The following CAMK4 variants were observed in gnomAD, a reference collection of about 807,000 sequenced individuals.
CAMK4 encodes calcium/calmodulin-dependent protein kinase type IV.
In CAMK4, 22 loss-of-function variants were observed where a neutral mutation model predicts 44.9. That is an observed-to-expected ratio of 0.49 (90% CI 0.35 to 0.70). CAMK4 has a LOEUF of 0.70. CAMK4 is among the 30% of genes least tolerant of loss of function. The pLI is 0.01. For missense variants in CAMK4, 498 were observed against 586.8 expected, an observed-to-expected ratio of 0.85 and a Z score of 1.56; for synonymous variants, 218 against 215.4, an observed-to-expected ratio of 1.01 and a Z score of -0.11.
intron 5 of CAMK4, among the ~76,000 whole-genome samples, chr5:111,404,516 C>T (rs778900651): frequency 4.6e-5 from 7 of 152,184 alleles, no homozygotes; most frequent in Non-Finnish European, 8.8e-5. Context: ...AAAAGAAAAA[C>T]CTTGTGGCAG....
chr5:111,477,959 C>T (rs10055516), intron 8 of CAMK4, among the ~76,000 whole-genome samples: 76,678 of 151,864 alleles, frequency 0.5, 19,709 homozygotes, highest in African/African-American at 0.59. Flanking sequence ...TTCCCTTTCA[C>T]ACTAAATTGG....
chr5:111,403,365 GT>G (rs778416274), intron 5 of CAMK4, among the ~76,000 whole-genome samples: 1 of 152,052 alleles, frequency 6.6e-6, no homozygotes, highest in African/African-American at 2.4e-5. Context: ...AAGTTTTTTT[GT>G]TGTTTGTTTG....
chr5:111,452,517 TC>T (rs1754272321), intron 7 of CAMK4, among the ~76,000 whole-genome samples: 2 of 151,480 alleles, frequency 1.3e-5, no homozygotes, highest in African/African-American at 4.9e-5. Flanking sequence ...AATGCTCTTT[TC>T]TACCACTCTC....
chr5:111,442,643 T>C (rs1580758793), intron 5 of CAMK4, among the ~76,000 whole-genome samples: 2 of 150,052 alleles, frequency 1.3e-5, no homozygotes, highest in East Asian at 3.9e-4. Context: ...CTAGCTGTTT[T>C]CTGTTAAGCC....
intron 2 of CAMK4, among the ~76,000 whole-genome samples, chr5:111,352,366 A>AT (rs67037909): frequency 0.87 from 131,943 of 152,058 alleles, 57,588 homozygotes; most frequent in East Asian, 1. Flanking sequence ...CTGTTCACAA[A>AT]TGGCAAAATA....
chr5:111,324,976 T>A (rs1233429488), intron 1 of CAMK4, among the ~76,000 whole-genome samples: 1 of 151,914 alleles, frequency 6.6e-6, no homozygotes, highest in Non-Finnish European at 1.5e-5. Flanking sequence ...GCATTAGGTA[T>A]TTTCCTAATG....
intron 5 of CAMK4, among the ~76,000 whole-genome samples, chr5:111,431,176 G>T (rs2112939362): frequency 6.6e-6 from 1 of 152,062 alleles, no homozygotes; most frequent in East Asian, 1.9e-4. Context: ...TAGACAGGTG[G>T]AACAGAGCAG....
At chr5:111,297,926 C>T (rs929289906) in intron 1 of CAMK4, among the ~76,000 whole-genome samples, 2 of 152,112 alleles carry the variant, frequency 1.3e-5, no homozygotes, top group Admixed American at 6.5e-5. Flanking sequence ...ACAGGATTTG[C>T]GTATTTTAAC....
At chr5:111,406,643 A>T (rs1201322262) in intron 5 of CAMK4, among the ~76,000 whole-genome samples, 1 of 151,232 alleles carries the variant, frequency 6.6e-6, no homozygotes. Flanking sequence ...AGACCAGATG[A>T]CTCTGGGCTC....
At chr5:111,326,864 G>A (rs537007228) in intron 1 of CAMK4, among the ~76,000 whole-genome samples, 2 of 151,938 alleles carry the variant, frequency 1.3e-5, no homozygotes, top group South Asian at 4.2e-4. Context: ...ATTAAATAGG[G>A]TTGTGCATGG....
chr5:111,373,978 G>A (rs1379794473), intron 2 of CAMK4, among the ~76,000 whole-genome samples: 1 of 152,046 alleles, frequency 6.6e-6, no homozygotes, highest in African/African-American at 2.4e-5. Context: ...CCCTAATTTT[G>A]GAATATCCTG....
At position 111,484,649 on chromosome 5, in the gene CAMK4, T is replaced by C. The variant is rs1755552367; in HGVS notation, c.*183T>C. On this transcript the variant is annotated 3_prime_UTR_variant, in exon 11 of 11. Transcript: ENST00000282356. This position sits in a 1 kb window ranked among gnomAD's most constrained non-coding sequence, Gnocchi z 5.3. ...TGTGACTGCTTTATGAAAATAATAG[T>C]GTCTTCTATGGCATGTAATGGATAC... 1.2e-5 allele frequency: 5 copies of C among 419,288 alleles called. No individual in the cohort carries two copies. The highest frequency in any genetic ancestry group is 1.1e-4 in the South Asian group (1 of 9,442). The allele number at this position is 419,288 out of a possible 1,614,324, so 26.0% of individuals were successfully genotyped here.
chr5:111,394,543 A>G (rs961475833), intron 4 of CAMK4, among the ~76,000 whole-genome samples, 167 bp from the exon 5 acceptor site: 6 of 152,210 alleles, frequency 3.9e-5, no homozygotes, highest in African/African-American at 1.4e-4. Context: ...AAGTAAACTC[A>G]AAGATTTTTA....
At chr5:111,322,273 A>C (rs192535944) in intron 1 of CAMK4, among the ~76,000 whole-genome samples, 1 of 152,098 alleles carries the variant, frequency 6.6e-6, no homozygotes, top group African/African-American at 2.4e-5. Flanking sequence ...GTAGGTAGGC[A>C]TGTACAACTG....
intron 1 of CAMK4, among the ~76,000 whole-genome samples, chr5:111,268,614 A>G (rs540448698): frequency 3.6e-4 from 55 of 152,346 alleles, no homozygotes; most frequent in African/African-American, 1.3e-3. Flanking sequence ...TGAGGAAGCT[A>G]AACTCAAGTC....
chr5:111,368,747 C>T (rs1395498424), intron 2 of CAMK4, among the ~76,000 whole-genome samples: 1 of 152,036 alleles, frequency 6.6e-6, no homozygotes, highest in Non-Finnish European at 1.5e-5. Flanking sequence ...GCTTAGTTTA[C>T]TCTCTTTGGA....
chr5:111,461,813 T>TTAAAAAA (rs1554073682), intron 7 of CAMK4, among the ~76,000 whole-genome samples: 1 of 69,176 alleles, frequency 1.4e-5, no homozygotes, highest in Non-Finnish European at 2.8e-5. Flanking sequence ...GCCTCTATAG[T>TTAAAAAA]AAAAAAAAAA....
At position 111,408,344 on chromosome 5, in the gene CAMK4, C is replaced by A. The variant is rs192830151; in HGVS notation, c.459+13562C>A. Among the ~76,000 whole-genome samples the A allele has an allele frequency of 1.7e-3, 253 of 152,252 alleles. 1 individual carries two copies. Among genetic ancestry groups the A allele is most frequent in the African/African-American group, 5.9e-3 (246 of 41,548 alleles). On this transcript the variant is annotated intron_variant, in intron 5 of 10. Transcript: ENST00000282356. Reference sequence around the variant, plus strand: ...GGCTGGGGAGGCCTCACCATCATGGCAGAAGGCAAAGGAGAAGCAAAGGCA... The same window carrying A: ...GGCTGGGGAGGCCTCACCATCATGGAAGAAGGCAAAGGAGAAGCAAAGGCA...
At chr5:111,381,067 G>A (rs1159238407) in intron 4 of CAMK4, among the ~76,000 whole-genome samples, 3 of 152,092 alleles carry the variant, frequency 2.0e-5, no homozygotes, top group Non-Finnish European at 2.9e-5. Flanking sequence ...CACCTTCTCC[G>A]CCTGTCAGCT....
Sources: allele counts gnomAD v4.1 joint callset (sites outside exome capture counted in the v4.1 genomes callset), GRCh38; gene constraint gnomAD v4.1.1; non-coding constraint Gnocchi (gnomAD v3.1); transcripts MANE v1.5; gene names NCBI Gene and HGNC (gene_info 2026-07-23, HGNC 2026-07-21).